The following FAM114A1 variants were observed in gnomAD, a reference collection of about 807,000 sequenced individuals.
FAM114A1 encodes the protein family with sequence similarity 114 member A1.
FAM114A1 carries 62 observed loss-of-function variants against 64.3 expected under a neutral mutation model. That is an observed-to-expected ratio of 0.96 (90% CI 0.79 to 1.19). FAM114A1 has a LOEUF of 1.19. Among genes scored for constraint, FAM114A1 ranks in the 50% most tolerant of loss-of-function variants. FAM114A1 has a pLI of 0.00. For synonymous variants in FAM114A1, 254 were observed against 251.1 expected, an observed-to-expected ratio of 1.01 and a Z score of -0.11; for missense variants, 645 against 676.3, an observed-to-expected ratio of 0.95 and a Z score of 0.51.
intron 9 of FAM114A1, among the ~76,000 whole-genome samples, chr4:38,926,786 A>G (rs947602909): frequency 6.6e-6 from 1 of 152,054 alleles, no homozygotes; most frequent in African/African-American, 2.4e-5. Context: ...CTGTCTCTCT[A>G]TCTCTGAGAC....
At chr4:38,877,964 C>CAAAG (rs1560285842) in intron 2 of FAM114A1, 107 bp from the exon 3 acceptor site, 252 of 814,094 alleles carry the variant, frequency 3.1e-4, no homozygotes, top group Non-Finnish European at 4.0e-4. Context: ...AACTCCGTCT[C>CAAAG]AAAAAAAAAA....
chr4:38,933,259 A>G (rs553893015), intron 12 of FAM114A1, among the ~76,000 whole-genome samples: 1 of 152,358 alleles, frequency 6.6e-6, no homozygotes, highest in South Asian at 2.1e-4. Context: ...ACACTAAATC[A>G]TTGCATGAGG....
rs141399518 is a variant in FAM114A1, at chr4:38,907,577, G to A, written c.658-1015G>A. 5.4e-3 allele frequency among the ~76,000 whole-genome samples: 819 copies of A among 152,154 alleles called. 7 individuals carry two copies. The highest frequency in any genetic ancestry group is 0.013 in the Admixed American group (195 of 15,278). On this transcript the variant is annotated intron_variant, in intron 6 of 14. Coordinates refer to ENST00000358869, the MANE Select transcript of FAM114A1 (RefSeq NM_138389.4). ...GTCCCATCATCCCCCCGAAGTGTGC[G>A]CACTGAAAACTGATTTACAGCATGA...
intron 13 of FAM114A1, among the ~76,000 whole-genome samples, chr4:38,936,137 G>A (rs893743980): frequency 7.9e-5 from 12 of 150,978 alleles, no homozygotes. Context: ...CTGGTGCCCA[G>A]GCTGGGGTGC....
chr4:38,936,902 A>G (rs1721159994), intron 13 of FAM114A1, among the ~76,000 whole-genome samples: 4 of 152,228 alleles, frequency 2.6e-5, no homozygotes, highest in African/African-American at 9.6e-5. Context: ...ACCAAAAGAA[A>G]AAAATGTTAC....
chr4:38,905,124 C>T (rs563389954), intron 4 of FAM114A1, among the ~76,000 whole-genome samples: 4 of 152,022 alleles, frequency 2.6e-5, no homozygotes, highest in East Asian at 3.9e-4. Flanking sequence ...AGGCCAGGTG[C>T]GATGGCTCAC....
At chr4:38,876,992 A>G (rs1423494927) in intron 2 of FAM114A1, among the ~76,000 whole-genome samples, 2 of 152,216 alleles carry the variant, frequency 1.3e-5, no homozygotes, top group Admixed American at 1.3e-4. Flanking sequence ...CAGATGATCT[A>G]AAATAATCCC....
chr4:38,921,811 G>C (rs1719623398), intron 8 of FAM114A1, among the ~76,000 whole-genome samples: 1 of 152,230 alleles, frequency 6.6e-6, no homozygotes. Flanking sequence ...CAAGATGTTG[G>C]AGAAGAAAAA....
At chr4:38,941,235 A>C (rs757252562) in intron 14 of FAM114A1, among the ~76,000 whole-genome samples, 1 of 152,204 alleles carries the variant, frequency 6.6e-6, no homozygotes, top group Non-Finnish European at 1.5e-5. Context: ...GATTATAAAA[A>C]GAAATGCTAA....
At chr4:38,934,493 C>G (rs954342977) in intron 12 of FAM114A1, among the ~76,000 whole-genome samples, 2 of 152,146 alleles carry the variant, frequency 1.3e-5, no homozygotes, top group African/African-American at 4.8e-5. Context: ...AAACTTACCT[C>G]TACTGACTTT....
rs796619195 is a variant in FAM114A1 at position 38,944,981 on chromosome 4, T to C, written c.*1424T>C. ...TGGTGTTTTATTTAATGTCCTACCC[T>C]TTAATTTGTTGCATTTTCCTATACT... On this transcript the variant is annotated 3_prime_UTR_variant, in exon 15 of 15. Coordinates refer to ENST00000358869, the MANE Select transcript of FAM114A1 (RefSeq NM_138389.4). The C allele has an allele frequency of 1.3e-5, 2 of 152,332 alleles. No homozygotes were observed. The highest frequency in any genetic ancestry group is 4.8e-5 in the African/African-American group (2 of 41,584). 9.4% of individuals were successfully genotyped at this position (152,332 alleles called of 1,614,324 possible).
At chr4:38,901,562 G>A (rs1321705269) in intron 4 of FAM114A1, among the ~76,000 whole-genome samples, 1 of 152,178 alleles carries the variant, frequency 6.6e-6, no homozygotes, top group Non-Finnish European at 1.5e-5. Flanking sequence ...AAAGTGCTGG[G>A]ATTACAGGCA....
chr4:38,943,339 A>C (rs1721718707), intron 14 of FAM114A1, 117 bp from the exon 15 acceptor site: 2 of 799,658 alleles, frequency 2.5e-6, no homozygotes, highest in Non-Finnish European at 4.0e-6. Flanking sequence ...ATATTGCAAG[A>C]TAAATATAAT....
At position 38,931,348 on chromosome 4, in the gene FAM114A1, A is replaced by G. The variant is rs567218576; in HGVS notation, c.1162-103A>G. 3.8e-5 allele frequency: 52 copies of G among 1,368,638 alleles called. No individual in the cohort carries two copies. In the African/African-American group the frequency reaches 6.4e-4, roughly 17 times the overall value. The allele number at this position is 1,368,638 out of a possible 1,614,324, so 84.8% of individuals were successfully genotyped here. On this transcript the variant is annotated intron_variant, in intron 10 of 14. Coordinates refer to ENST00000358869, the MANE Select transcript of FAM114A1 (RefSeq NM_138389.4). ...TCATCCTCCAAACATACAGAGATCCATTCTTGAAGGCTTAGAGACACTTGA... is the reference window on the plus strand; with the variant it reads ...TCATCCTCCAAACATACAGAGATCCGTTCTTGAAGGCTTAGAGACACTTGA...
At chr4:38,902,673 C>A (rs934952180) in intron 4 of FAM114A1, among the ~76,000 whole-genome samples, 1 of 152,172 alleles carries the variant, frequency 6.6e-6, no homozygotes, top group Non-Finnish European at 1.5e-5. Flanking sequence ...GATATTCCAT[C>A]TTTAGAACCA....
In FAM114A1 at chr4:38,920,016, C is replaced by A. The variant is rs7681143; in HGVS notation, c.946-2754C>A. On this transcript the variant is annotated intron_variant, in intron 8 of 14. Coordinates refer to ENST00000358869, the MANE Select transcript of FAM114A1 (RefSeq NM_138389.4). The stretch of plus-strand genomic sequence containing the variant: ...TTGAGGTCAGGAGTTTGAGACCAGC[C>A]TGGCCAACATGGCGAAACCCTGTCT... Among the ~76,000 whole-genome samples the A allele has an allele frequency of 4.5e-3, 685 of 152,194 alleles. 8 individuals carry two copies. Among genetic ancestry groups the A allele is most frequent in the African/African-American group, 0.015 (643 of 41,526 alleles).
chr4:38,905,659 T>A, intron 5 of FAM114A1, 24 bp downstream of exon 5: 2 of 1,611,020 alleles, frequency 1.2e-6, no homozygotes, highest in Non-Finnish European at 1.7e-6. Context: ...CTCCTCTGGG[T>A]GTTCTTGGAC....
At chr4:38,927,488 A>T (rs1720229907) in intron 9 of FAM114A1, among the ~76,000 whole-genome samples, 1 of 151,964 alleles carries the variant, frequency 6.6e-6, no homozygotes, top group South Asian at 2.1e-4. Context: ...TTCATGATCT[A>T]ATCACACCCC....
chr4:38,894,238 A>G (rs1716696207), intron 4 of FAM114A1, among the ~76,000 whole-genome samples: 2 of 149,744 alleles, frequency 1.3e-5, no homozygotes, highest in South Asian at 2.1e-4. Context: ...ATCCGACGTC[A>G]TTGTCTTAAT....
Sources: allele counts gnomAD v4.1 joint callset (sites outside exome capture counted in the v4.1 genomes callset), GRCh38; gene constraint gnomAD v4.1.1; transcripts MANE v1.5; gene names NCBI Gene and HGNC (gene_info 2026-07-23, HGNC 2026-07-21).